APMAP: variants seen among roughly 807,000 people sequenced by gnomAD.
APMAP encodes adipocyte plasma membrane associated protein.
Under a neutral mutation model 43.6 loss-of-function variants are expected in APMAP, and 33 were observed. The ratio of observed to expected loss-of-function variants is 0.76; its 90% CI spans 0.57 to 1.01. The LOEUF (loss-of-function observed/expected upper bound fraction) is 1.01. APMAP is among the 50% of genes least tolerant of loss of function. APMAP has a pLI of 0.00. For synonymous variants in APMAP, 224 were observed against 216.7 expected (o/e 1.03, Z -0.30); for missense variants, 498 against 540.7 (o/e 0.92, Z 0.78).
At chr20:24,985,941 AG>A (rs2088143598) in intron 1 of APMAP, among the ~76,000 whole-genome samples, 1 of 152,168 alleles carries the variant, frequency 6.6e-6, no homozygotes, top group Admixed American at 6.5e-5. Context: ...ACTGGAGCAA[AG>A]TGGATCCTGT....
At chr20:24,984,532 G>A (rs1438027016) in intron 1 of APMAP, among the ~76,000 whole-genome samples, 1 of 152,192 alleles carries the variant, frequency 6.6e-6, no homozygotes, top group African/African-American at 2.4e-5. Flanking sequence ...ACTTCCTGAG[G>A]ATCCAATTCC....
In APMAP at chr20:24,963,707, G is replaced by A. The variant is rs1600277558; in HGVS notation, c.*106C>T. The A allele has an allele frequency of 2.5e-6, 3 of 1,182,526 alleles. No individual in the cohort carries two copies. The highest frequency in any genetic ancestry group is 2.0e-5 in the Admixed American group (1 of 50,672). The allele number at this position is 1,182,526 out of a possible 1,614,324, so 73.3% of individuals were successfully genotyped here. On this transcript the variant is annotated 3_prime_UTR_variant, in exon 9 of 9. Coordinates refer to ENST00000217456, the MANE Select transcript of APMAP (RefSeq NM_020531.3). ...ACCTCTCAGGGACTAACAGGTGCAT[G>A]TGGACACTTGAACCACGACTGTGTC... is the stretch of plus-strand genomic sequence containing the variant.
chr20:24,984,815 T>C (rs569846613), intron 1 of APMAP, among the ~76,000 whole-genome samples: 2 of 152,352 alleles, frequency 1.3e-5, no homozygotes, highest in African/African-American at 4.8e-5. Flanking sequence ...GTGAAAGCAT[T>C]TGGCCTCTTG....
intron 1 of APMAP, among the ~76,000 whole-genome samples, chr20:24,990,830 G>A (rs893116166): frequency 6.6e-6 from 1 of 152,194 alleles, no homozygotes; most frequent in Non-Finnish European, 1.5e-5. Context: ...GAAGGGTGGT[G>A]ACAAGACCTC....
chr20:24,978,975 T>C (rs980052521), intron 2 of APMAP, 93 bp from the exon 3 acceptor site: 8 of 1,003,310 alleles, frequency 8.0e-6, no homozygotes, highest in South Asian at 2.8e-5. Flanking sequence ...TTGATAAAGA[T>C]GGCACTTTCT....
At chr20:24,986,812 G>C (rs2122529379) in intron 1 of APMAP, among the ~76,000 whole-genome samples, 1 of 152,336 alleles carries the variant, frequency 6.6e-6, no homozygotes, top group African/African-American at 2.4e-5. Context: ...CTGAGAGCCA[G>C]ATGTGACTCT....
At chr20:24,975,049 A>T (rs1293262260) in intron 3 of APMAP, among the ~76,000 whole-genome samples, 1 of 152,196 alleles carries the variant, frequency 6.6e-6, no homozygotes, top group African/African-American at 2.4e-5. Context: ...AAGAATATCT[A>T]TAAAAAAATC....
rs866233966 is a variant in APMAP, at chr20:24,992,649, G to T, written c.40C>A (p.Arg14=). Residue 14 remains arginine, a synonymous_variant, in exon 1 of 9, where the codon CGG becomes AGG. Coordinates refer to ENST00000217456, the MANE Select transcript of APMAP (RefSeq NM_020531.3). The part of the protein sequence containing the change: ...ADGLRQRRPL[R]PQVVTDDDGQ... The stretch of plus-strand genomic sequence containing the variant: ...TCATCGTCTGTGACGACCTGCGGCC[G>T]CAGGGGCCGGCGCTGTCGCAGCCCG... 8 of 1,561,058 alleles carry T rather than the reference G, an allele frequency of 5.1e-6. No individual in the cohort carries two copies. The African/African-American group carries it at 9.6e-5, about 19-fold the overall frequency.
chr20:24,969,771 G>A (rs2087982937), intron 6 of APMAP, 111 bp from the exon 7 acceptor site: 2 of 1,359,966 alleles, frequency 1.5e-6, no homozygotes, highest in East Asian at 4.8e-5. Flanking sequence ...GGAGCAACAG[G>A]CCCTGGGTGC....
chr20:24,978,742 C>CCG, intron 3 of APMAP, 25 bp downstream of exon 3: 1 of 1,206,846 alleles, frequency 8.3e-7, no homozygotes, highest in African/African-American at 1.7e-5. Context: ...TGGAAGGCTC[C>CCG]CCCCCCACCC....
At chr20:24,968,763 A>G (rs552632746) in intron 8 of APMAP, 129 bp downstream of exon 8, 2 of 876,938 alleles carry the variant, frequency 2.3e-6, no homozygotes, top group South Asian at 2.1e-5. Context: ...GAAGAATGAA[A>G]TGTGTTTCTA....
intron 8 of APMAP, among the ~76,000 whole-genome samples, chr20:24,965,732 C>T (rs1165315964): frequency 1.3e-5 from 2 of 152,250 alleles, no homozygotes; most frequent in African/African-American, 4.8e-5. Context: ...GCATGGGGTG[C>T]TACAGCCCTG....
intron 8 of APMAP, among the ~76,000 whole-genome samples, 159 bp downstream of exon 8, chr20:24,968,733 T>TG (rs2087969143): frequency 6.6e-6 from 1 of 152,140 alleles, no homozygotes; most frequent in African/African-American, 2.4e-5. Context: ...GTCCAAATGT[T>TG]TAAATCTGCA....
At chr20:24,979,068 A>C (rs890879599) in intron 2 of APMAP, among the ~76,000 whole-genome samples, 186 bp from the exon 3 acceptor site, 1 of 152,180 alleles carries the variant, frequency 6.6e-6, no homozygotes, top group African/African-American at 2.4e-5. Context: ...TACAAAAGAA[A>C]TATAAAAATA....
intron 8 of APMAP, among the ~76,000 whole-genome samples, chr20:24,965,856 G>C (rs2087937877): frequency 6.6e-6 from 1 of 152,206 alleles, no homozygotes; most frequent in South Asian, 2.1e-4. Context: ...CTGTTGGAGA[G>C]GTACAAATAG....
chr20:24,975,379 C>A (rs978226095), intron 3 of APMAP, among the ~76,000 whole-genome samples: 4 of 152,154 alleles, frequency 2.6e-5, no homozygotes, highest in African/African-American at 9.7e-5. Flanking sequence ...TTTATACTAA[C>A]AATGAACAAA....
intron 8 of APMAP, among the ~76,000 whole-genome samples, chr20:24,967,614 T>A (rs775819112): frequency 6.6e-6 from 1 of 152,252 alleles, no homozygotes; most frequent in Non-Finnish European, 1.5e-5. Context: ...CCACCACTCA[T>A]ACTACCCTAC....
rs1480139590 is a variant in APMAP at position 24,963,848 on chromosome 20, G to A, written c.1216C>T (p.Pro406Ser). Residue 406 changes from proline to serine, a missense_variant, in exon 9 of 9, where the codon CCC (proline) becomes TCC (serine). Coordinates refer to ENST00000217456, the MANE Select transcript of APMAP (RefSeq NM_020531.3). ...GHLYLGSFRS[P>S]FLCRLSLQAV The stretch of plus-strand genomic sequence containing the variant: ...TGGAGGCTGAGTCTGCAGAGGAAGG[G>A]GGACCTGAAAGAGCCCAGGTACAGG... The A allele has an allele frequency of 6.2e-7, 1 of 1,614,204 alleles. No homozygotes were observed. Among genetic ancestry groups the A allele is most frequent in the East Asian group, 2.2e-5 (1 of 44,880 alleles).
chr20:24,970,444 CCTAA>C lies in APMAP; in HGVS notation c.539-77_539-74del, dbSNP rs1431641972. On this transcript the variant is annotated intron_variant, in intron 5 of 8. Transcript: ENST00000217456. ...TCAATAATTGCAAAATATTAACCAA[CCTAA>C]CTGATTTAAAAAGAAAAACTGAAAC... is the stretch of plus-strand genomic sequence containing the variant. The C allele has an allele frequency of 7.2e-6, 10 of 1,393,480 alleles. No individual in the cohort carries two copies. In the African/African-American group the frequency reaches 1.4e-4, roughly 20 times the overall value. 86.3% of individuals were successfully genotyped at this position (1,393,480 alleles called of 1,614,324 possible).
Sources: gnomAD v4.1 joint callset for allele counts (sites outside exome capture counted in the v4.1 genomes callset) on GRCh38, gnomAD v4.1.1 for gene constraint, MANE v1.5 for transcripts, NCBI Gene and HGNC (gene_info 2026-07-23, HGNC 2026-07-21) for gene names.